Variants in CPVL observed in about 807,000 individuals in gnomAD.
CPVL encodes the protein probable serine carboxypeptidase CPVL.
Under a neutral mutation model 63.7 loss-of-function variants are expected in CPVL, and 51 were observed. That is an observed-to-expected ratio of 0.80 (90% CI 0.64 to 1.01). The LOEUF (loss-of-function observed/expected upper bound fraction) is 1.01. CPVL is among the 50% of genes least tolerant of loss of function. The pLI is 0.00. For missense variants in CPVL, 530 were observed against 573.1 expected (o/e 0.92, Z 0.77); for synonymous variants, 195 against 206.0 (o/e 0.95, Z 0.46).
intron 9 of CPVL, among the ~76,000 whole-genome samples, chr7:29,070,377 A>G (rs1783621889): frequency 6.6e-6 from 1 of 152,156 alleles, no homozygotes; most frequent in South Asian, 2.1e-4. Context: ...GCTCTTGACA[A>G]TTGCTTTATC....
chr7:29,020,114 C>T (rs1239963851), intron 12 of CPVL, among the ~76,000 whole-genome samples: 8 of 152,150 alleles, frequency 5.3e-5, no homozygotes, highest in Non-Finnish European at 1.0e-4. Context: ...AATCTGGCCT[C>T]CCAAGCTGGA....
intron 1 of CPVL, among the ~76,000 whole-genome samples, chr7:29,188,858 A>C (rs994425446): frequency 3.9e-4 from 60 of 152,146 alleles, no homozygotes; most frequent in African/African-American, 1.3e-3. Flanking sequence ...TATTTTAAAA[A>C]TTTGTCCCAG....
upstream of CPVL, chr7:29,146,971 A>C (rs560087445): frequency 1.9e-6 from 3 of 1,550,886 alleles, no homozygotes; most frequent in East Asian, 7.3e-5. Flanking sequence ...GTAAGCTCGC[A>C]CCAAGTGCCA....
At chr7:29,020,148 G>A (rs1786815403) in intron 12 of CPVL, among the ~76,000 whole-genome samples, 1 of 152,192 alleles carries the variant, frequency 6.6e-6, no homozygotes, top group South Asian at 2.1e-4. Flanking sequence ...GAGCCAAGCA[G>A]GACACATGTG....
intron 5 of CPVL, among the ~76,000 whole-genome samples, chr7:29,166,988 T>G (rs375331260): frequency 6.6e-6 from 1 of 152,264 alleles, no homozygotes; most frequent in South Asian, 2.1e-4. Flanking sequence ...TTCTATGCTT[T>G]TTTGCATGCA....
chr7:29,084,036 A>G (rs1342323624), intron 7 of CPVL, among the ~76,000 whole-genome samples: 2 of 152,118 alleles, frequency 1.3e-5, no homozygotes, highest in East Asian at 1.9e-4. Flanking sequence ...GGCAGAGTCA[A>G]TATCTCATAA....
chr7:29,064,182 C>T lies in CPVL; in HGVS notation c.1016G>A (p.Arg339Lys). The T allele has an allele frequency of 6.2e-7, 1 of 1,613,706 alleles. No homozygotes were observed. Among genetic ancestry groups the T allele is most frequent in the African/African-American group, 1.3e-5 (1 of 75,008 alleles). ...CTGATTCCCCACGTGGATGGCTTGT[C>T]TCACCTCTGGGAGTGACAAAAATTT... ...YVKFLSLPEV[R>K]QAIHVGNQTF... The change falls in exon 11 of 13, where the codon AGA (arginine) becomes AAA (lysine). Residue 339 changes from arginine (R) to lysine (K), a missense_variant. Coordinates refer to ENST00000265394, the MANE Select transcript of CPVL (RefSeq NM_031311.5).
chr7:29,072,720 C>T (rs749783580), intron 7 of CPVL, among the ~76,000 whole-genome samples: 3 of 152,072 alleles, frequency 2.0e-5, no homozygotes, highest in Non-Finnish European at 4.4e-5. Flanking sequence ...TGGGAGAACA[C>T]AATTCTGCCA....
intron 3 of CPVL, among the ~76,000 whole-genome samples, chr7:29,097,084 G>A (rs1376270436): frequency 6.6e-6 from 1 of 151,784 alleles, no homozygotes; most frequent in African/African-American, 2.4e-5. Context: ...AGCCCCAGGG[G>A]CCTTTAGCCA....
Position 29,120,814 on chromosome 7 carries a change from G to A in CPVL, c.169+79C>T, listed in dbSNP as rs1359684592. On this transcript the variant is annotated intron_variant, in intron 2 of 12. Coordinates refer to ENST00000265394, the MANE Select transcript of CPVL (RefSeq NM_031311.5). ...CCAGCCTAGTGACAGGCGAGACTTCGTCTCAAAAAAAAAAAAAAAAAAAAG... is the reference window on the plus strand; with the variant it reads ...CCAGCCTAGTGACAGGCGAGACTTCATCTCAAAAAAAAAAAAAAAAAAAAG... 20 of 1,250,400 alleles carry A rather than the reference G, an allele frequency of 1.6e-5. No individual in the cohort carries two copies. In the Admixed American group the frequency reaches 3.1e-4, roughly 20 times the overall value. 77.5% of individuals were successfully genotyped at this position (1,250,400 alleles called of 1,614,324 possible).
intron 1 of CPVL, among the ~76,000 whole-genome samples, chr7:29,138,077 G>A (rs1417089252): frequency 2.6e-5 from 4 of 152,212 alleles, no homozygotes; most frequent in Middle Eastern, 3.2e-3. Flanking sequence ...CTAGAATAAA[G>A]ATGACAGGAG....
Position 29,096,170 on chromosome 7 carries a change from C to A in CPVL, c.336G>T (p.Pro112=). 3.7e-6 allele frequency: 6 copies of A among 1,614,158 alleles called. No individual in the cohort carries two copies. Among genetic ancestry groups the A allele is most frequent in the Non-Finnish European group, 5.1e-6 (6 of 1,180,012 alleles). The stretch of plus-strand genomic sequence containing the variant: ...AGAGTCCAAACATGGATGAACCTCC[C>A]GGCCCACCCTGTAGCCAGAGAACTA... ...APVVLWLQGG[P]GGSSMFGLFV... Residue 112 remains proline, a synonymous_variant, in exon 4 of 13, where the codon CCG becomes CCT. Coordinates refer to ENST00000265394, the MANE Select transcript of CPVL (RefSeq NM_031311.5).
At chr7:29,150,105 G>A (rs1211835585), upstream of CPVL, among the ~76,000 whole-genome samples, 2 of 152,146 alleles carry the variant, frequency 1.3e-5, no homozygotes, top group South Asian at 2.1e-4. Flanking sequence ...CTGTCAGGTC[G>A]ATCACAAGCC....
intron 11 of CPVL, among the ~76,000 whole-genome samples, chr7:29,052,684 C>T (rs1418774089): frequency 3.3e-5 from 5 of 152,100 alleles, no homozygotes; most frequent in South Asian, 2.1e-4. Flanking sequence ...TCGAGGCGGG[C>T]GGATCATGAG....
intron 1 of CPVL, among the ~76,000 whole-genome samples, chr7:29,190,229 T>G (rs780968410): frequency 1.8e-4 from 27 of 152,342 alleles, no homozygotes; most frequent in Non-Finnish European, 7.3e-5. Context: ...GTTGAGAAAT[T>G]GATGGCAAAA....
At chr7:29,061,984 C>G (rs562294871) in intron 11 of CPVL, among the ~76,000 whole-genome samples, 2 of 150,620 alleles carry the variant, frequency 1.3e-5, no homozygotes, top group South Asian at 4.2e-4. Flanking sequence ...GAAAATATAT[C>G]TCCCAAGGGC....
At chr7:29,095,608 AC>A (rs1303680960) in intron 4 of CPVL, among the ~76,000 whole-genome samples, 10 of 151,860 alleles carry the variant, frequency 6.6e-5, no homozygotes, top group East Asian at 3.9e-4. Flanking sequence ...AAAAAAAAAA[AC>A]AAAATGAGAT....
chr7:29,078,461 A>G (rs569596068), intron 7 of CPVL, among the ~76,000 whole-genome samples: 1 of 152,360 alleles, frequency 6.6e-6, no homozygotes, highest in South Asian at 2.1e-4. Flanking sequence ...CTTTTGTTTA[A>G]AATGGAGACT....
intron 6 of CPVL, among the ~76,000 whole-genome samples, chr7:29,089,312 C>T (rs1480417796): frequency 1.3e-5 from 2 of 152,162 alleles, no homozygotes; most frequent in African/African-American, 4.8e-5. Flanking sequence ...GACCCAAAGA[C>T]AGCACTGGAA....
Sources: allele counts gnomAD v4.1 joint callset (sites outside exome capture counted in the v4.1 genomes callset), GRCh38; gene constraint gnomAD v4.1.1; transcripts MANE v1.5; gene names NCBI Gene and HGNC (gene_info 2026-07-23, HGNC 2026-07-21).